Variants in PHLPP1 observed in about 807,000 individuals in gnomAD.
The protein encoded by PHLPP1 is PH domain and leucine rich repeat protein phosphatase 1.
Under a neutral mutation model 117.2 loss-of-function variants are expected in PHLPP1, and 42 were observed. That is an observed-to-expected ratio of 0.36 (90% CI 0.28 to 0.46). The LOEUF (loss-of-function observed/expected upper bound fraction) is 0.46. Ranked by LOEUF, PHLPP1 falls within the 20% of genes least tolerant of loss-of-function variation. PHLPP1 has a pLI of 1.00. For missense variants in PHLPP1, 2,084 were observed against 2,241.9 expected (o/e 0.93, Z 1.42); for synonymous variants, 1,042 against 970.7 (o/e 1.07, Z -1.37).
At chr18:62,760,269 C>T (rs574079730) in intron 1 of PHLPP1, among the ~76,000 whole-genome samples, 1 of 151,240 alleles carries the variant, frequency 6.6e-6, no homozygotes, top group Non-Finnish European at 1.5e-5. Flanking sequence ...CAGCTGCCTC[C>T]GTAGATGATA....
At chr18:62,752,062 AT>A (rs1261118840) in intron 1 of PHLPP1, among the ~76,000 whole-genome samples, 2 of 152,184 alleles carry the variant, frequency 1.3e-5, no homozygotes, top group Non-Finnish European at 2.9e-5. Context: ...ATTTAAAAAG[AT>A]TTTTATTTTT....
chr18:62,803,611 G>A (rs1201517140), intron 1 of PHLPP1, among the ~76,000 whole-genome samples: 3 of 152,048 alleles, frequency 2.0e-5, no homozygotes, highest in Non-Finnish European at 4.4e-5. Context: ...TGTGTTTCCA[G>A]GTTTTCTTTT....
chr18:62,920,139 A>G (rs1909419087), intron 10 of PHLPP1, 25 bp downstream of exon 10: 2 of 1,602,086 alleles, frequency 1.2e-6, no homozygotes, highest in African/African-American at 1.3e-5. Flanking sequence ...CTTGTTTATC[A>G]TCTGAGTCTA....
chr18:62,958,079 A>G (rs575125566), intron 12 of PHLPP1, among the ~76,000 whole-genome samples: 79 of 151,572 alleles, frequency 5.2e-4, no homozygotes, highest in Non-Finnish European at 9.9e-4. Flanking sequence ...TTGCGCCACC[A>G]CCTGGCCAAT....
chr18:62,885,843 A>T (rs1019086659), intron 4 of PHLPP1, among the ~76,000 whole-genome samples: 2 of 152,224 alleles, frequency 1.3e-5, no homozygotes, highest in Non-Finnish European at 2.9e-5. Context: ...CTGGGGAAAA[A>T]TTCCATTTAA....
chr18:62,853,240 A>AGGT (rs983035171), intron 3 of PHLPP1, among the ~76,000 whole-genome samples: 2 of 152,192 alleles, frequency 1.3e-5, no homozygotes, highest in African/African-American at 4.8e-5. Context: ...CCACCTGAGC[A>AGGT]GGTAGTTGGA....
intron 1 of PHLPP1, among the ~76,000 whole-genome samples, chr18:62,741,435 G>C (rs1362674200): frequency 6.6e-6 from 1 of 152,136 alleles, no homozygotes; most frequent in Admixed American, 6.5e-5. Context: ...GTGCTTTGAA[G>C]GCTGGGGGAA....
intron 3 of PHLPP1, 113 bp downstream of exon 3, chr18:62,839,022 C>A: frequency 2.8e-6 from 3 of 1,084,518 alleles, no homozygotes; most frequent in Non-Finnish European, 3.9e-6. Flanking sequence ...TTTTTTCCTC[C>A]CCAGATACTG....
Position 62,979,354 on chromosome 18 carries a change from C to T in PHLPP1, c.5077C>T (p.Pro1693Ser). 3.2e-6 allele frequency: 5 copies of T among 1,547,110 alleles called. No individual in the cohort carries two copies. Among genetic ancestry groups the T allele is most frequent in the Non-Finnish European group, 4.4e-6 (5 of 1,142,576 alleles). ...EQQQQQQPPP[P>S]PQLQPQLPRH... The stretch of plus-strand genomic sequence containing the variant: ...ACAGCAGCAGCAGCAGCCGCCACCA[C>T]CCCCTCAGCTCCAGCCGCAGCTGCC... The change falls in exon 17 of 17, where the codon CCC becomes TCC. Residue 1693 changes from proline to serine, a missense_variant. Physicochemically the swap from Pro to Ser is moderately conservative, Grantham distance 74 (BLOSUM62 -1). This residue lies in a region of PHLPP1 where 1,365 missense variants were observed against 1,605.9 expected (regional missense o/e 0.85). Transcript: ENST00000262719.
At chr18:62,932,872 T>C (rs1909858026) in intron 10 of PHLPP1, among the ~76,000 whole-genome samples, 1 of 152,094 alleles carries the variant, frequency 6.6e-6, no homozygotes, top group Admixed American at 6.6e-5. Flanking sequence ...CCCTAAAAGT[T>C]CCTCCAAAAG....
At chr18:62,845,793 T>C (rs1343656050) in intron 3 of PHLPP1, among the ~76,000 whole-genome samples, 1 of 152,224 alleles carries the variant, frequency 6.6e-6, no homozygotes, top group Admixed American at 6.5e-5. Flanking sequence ...GAAGCTTTGC[T>C]ATCAGTACTG....
At chr18:62,726,860 A>G (rs1911088825) in intron 1 of PHLPP1, among the ~76,000 whole-genome samples, 1 of 151,590 alleles carries the variant, frequency 6.6e-6, no homozygotes, top group East Asian at 1.9e-4. Flanking sequence ...CTGGGATTAC[A>G]GGCGTGACCC....
At chr18:62,831,452 C>T (rs550617235) in intron 2 of PHLPP1, among the ~76,000 whole-genome samples, 1 of 152,048 alleles carries the variant, frequency 6.6e-6, no homozygotes, top group African/African-American at 2.4e-5. Context: ...ATTCTCCTGC[C>T]TCAGCCTCCC....
chr18:62,788,565 G>GTT (rs71160869), intron 1 of PHLPP1, among the ~76,000 whole-genome samples: 5 of 150,564 alleles, frequency 3.3e-5, no homozygotes, highest in Non-Finnish European at 5.9e-5. Flanking sequence ...GGGTTTTTTT[G>GTT]TTTTTTTTTG....
intron 10 of PHLPP1, among the ~76,000 whole-genome samples, chr18:62,931,878 GAA>G (rs61550621): frequency 0.063 from 4,850 of 76,560 alleles, 63 homozygotes; most frequent in Non-Finnish European, 0.085. Flanking sequence ...CTGGGCGACA[GAA>G]AAAAAAAAAA....
chr18:62,786,060 C>T (rs1278146186), intron 1 of PHLPP1, among the ~76,000 whole-genome samples: 1 of 152,208 alleles, frequency 6.6e-6, no homozygotes, highest in Non-Finnish European at 1.5e-5. Flanking sequence ...GTGATAGCCT[C>T]TAGTGTGGTC....
rs1470717739 is a variant in PHLPP1, at chr18:62,895,930, T to C, written c.2363T>C (p.Leu788Pro). The C allele has an allele frequency of 6.2e-7, 1 of 1,613,776 alleles. No individual in the cohort carries two copies. Among genetic ancestry groups the C allele is most frequent in the Non-Finnish European group, 8.5e-7 (1 of 1,179,800 alleles). Residue 788 changes from leucine (L) to proline (P), a missense_variant, in exon 6 of 17, where the codon CTT becomes CCT. By Grantham distance (98) the Leu-to-Pro change is moderately conservative (BLOSUM62 -3). Coordinates refer to ENST00000262719, the MANE Select transcript of PHLPP1 (RefSeq NM_194449.4). ...VLEKLTAVDK[L>P]CMSGNCVETL... is the part of the protein sequence containing the mutation. Reference sequence around the variant, plus strand: ...GAGAAATTGACTGCTGTGGATAAACTTTGTATGTCTGGAAACTGTGTGGAG... The same window carrying C: ...GAGAAATTGACTGCTGTGGATAAACCTTGTATGTCTGGAAACTGTGTGGAG...
intron 13 of PHLPP1, among the ~76,000 whole-genome samples, chr18:62,961,107 A>C (rs1351145524): frequency 6.6e-6 from 1 of 151,908 alleles, no homozygotes; most frequent in Non-Finnish European, 1.5e-5. Context: ...AACCAGCCTG[A>C]CCAACATGAT....
At chr18:62,859,810 C>T (rs2144361300) in intron 3 of PHLPP1, among the ~76,000 whole-genome samples, 3 of 152,234 alleles carry the variant, frequency 2.0e-5, no homozygotes, top group Middle Eastern at 6.8e-3. Context: ...TATCACTAAA[C>T]CTGATGGAAT....
Sources: gnomAD v4.1 joint callset for allele counts (sites outside exome capture counted in the v4.1 genomes callset) on GRCh38, gnomAD v4.1.1 for gene constraint, gnomAD v4.1.1 regional missense constraint, MANE v1.5 for transcripts, NCBI Gene and HGNC (gene_info 2026-07-23, HGNC 2026-07-21) for gene names.